Variants in LUZP2 observed in about 807,000 individuals in gnomAD.
LUZP2 encodes the protein leucine zipper protein 2.
Under a neutral mutation model 51.6 loss-of-function variants are expected in LUZP2, and 52 were observed. The ratio of observed to expected loss-of-function variants is 1.01; its 90% CI spans 0.81 to 1.27. The LOEUF is 1.27. LUZP2 is among the 50% of genes most tolerant of loss of function. LUZP2 has a pLI of 0.00. For missense variants in LUZP2, 436 were observed against 395.4 expected, an observed-to-expected ratio of 1.10 and a Z score of -0.87; for synonymous variants, 154 against 137.3, an observed-to-expected ratio of 1.12 and a Z score of -0.85.
intron 7 of LUZP2, among the ~76,000 whole-genome samples, chr11:24,925,986 C>T (rs11028282): frequency 0.47 from 70,680 of 151,484 alleles, 16,792 homozygotes; most frequent in East Asian, 0.76. Context: ...AGAGAATATA[C>T]GTTGTTTGGT....
At chr11:24,949,338 A>C (rs544735135) in intron 7 of LUZP2, among the ~76,000 whole-genome samples, 3 of 141,092 alleles carry the variant, frequency 2.1e-5, no homozygotes, top group East Asian at 2.0e-4. Context: ...CTATCTCTCT[A>C]TCTATCTATG....
At chr11:24,989,003 CG>C (rs534819773) in intron 9 of LUZP2, among the ~76,000 whole-genome samples, 1 of 150,906 alleles carries the variant, frequency 6.6e-6, no homozygotes, top group Non-Finnish European at 1.5e-5. Context: ...CATAGGAGGC[CG>C]GAAGAGCCAT....
At chr11:24,536,284 C>T (rs1316766509) in intron 1 of LUZP2, among the ~76,000 whole-genome samples, 1 of 151,764 alleles carries the variant, frequency 6.6e-6, no homozygotes, top group Non-Finnish European at 1.5e-5. Flanking sequence ...GGAGAGTCAG[C>T]CAGCCTTTTG....
intron 1 of LUZP2, among the ~76,000 whole-genome samples, chr11:24,666,062 A>C (rs1418579742): frequency 6.6e-6 from 1 of 152,178 alleles, no homozygotes; most frequent in African/African-American, 2.4e-5. Context: ...TCAAAAAATT[A>C]TTTACCAGAA....
intron 9 of LUZP2, among the ~76,000 whole-genome samples, chr11:24,984,667 G>A (rs1281375991): frequency 6.6e-6 from 1 of 150,532 alleles, no homozygotes; most frequent in East Asian, 2.0e-4. Context: ...TAAATTTATT[G>A]TTTTTATTAT....
In LUZP2 at chr11:24,611,234, G is replaced by C. The variant is rs1034902089; in HGVS notation, c.62+113929G>C. The stretch of plus-strand genomic sequence containing the variant: ...CGAGGTTGTGCTAGCTACTAAGACT[G>C]TAATGGTGCCTATATTTGCCCTCAA... On this transcript the variant is annotated intron_variant, in intron 1 of 11. Coordinates refer to ENST00000336930, the MANE Select transcript of LUZP2 (RefSeq NM_001009909.4). This position sits in a 1 kb window ranked among gnomAD's most constrained non-coding sequence, Gnocchi z 4.6. Among the ~76,000 whole-genome samples, 3 of 152,042 alleles carry C rather than the reference G, an allele frequency of 2.0e-5. No homozygotes were observed. Among genetic ancestry groups the C allele is most frequent in the African/African-American group, 7.2e-5 (3 of 41,386 alleles).
chr11:24,692,127 A>G (rs553754484), intron 1 of LUZP2, among the ~76,000 whole-genome samples: 18 of 151,668 alleles, frequency 1.2e-4, no homozygotes, highest in Non-Finnish European at 2.5e-4. Flanking sequence ...GATATTCACT[A>G]TCACCCACTT....
chr11:24,689,182 T>C (rs752183691), intron 1 of LUZP2, among the ~76,000 whole-genome samples: 25 of 152,328 alleles, frequency 1.6e-4, no homozygotes, highest in Non-Finnish European at 2.6e-4. Context: ...TGTCCAGCCC[T>C]TGAATTGGGG....
chr11:24,676,799 G>T (rs147999980), intron 1 of LUZP2, among the ~76,000 whole-genome samples: 4,266 of 152,138 alleles, frequency 0.028, 202 homozygotes, highest in African/African-American at 0.097. Flanking sequence ...AAGTAGCTGA[G>T]ACTACAGTCA....
chr11:24,777,360 G>A (rs1221959990), intron 5 of LUZP2, among the ~76,000 whole-genome samples: 1 of 137,106 alleles, frequency 7.3e-6, no homozygotes, highest in Admixed American at 7.4e-5. Flanking sequence ...ACTTGTTAGA[G>A]GTGTGAGAAA....
intron 7 of LUZP2, among the ~76,000 whole-genome samples, chr11:24,969,854 G>T (rs1194512790): frequency 1.3e-5 from 2 of 152,098 alleles, no homozygotes; most frequent in Non-Finnish European, 2.9e-5. Flanking sequence ...TAGGAGGCCA[G>T]TCCATCTCAT....
chr11:24,498,664 A>C (rs1363773516), intron 1 of LUZP2, among the ~76,000 whole-genome samples: 4 of 152,234 alleles, frequency 2.6e-5, no homozygotes, highest in African/African-American at 9.6e-5. Context: ...AGTTGCTCTA[A>C]ATACAGAGCC....
chr11:24,927,209 G>A (rs532670185), intron 7 of LUZP2, among the ~76,000 whole-genome samples: 6 of 151,198 alleles, frequency 4.0e-5, no homozygotes, highest in Non-Finnish European at 7.4e-5. Context: ...CTTACTCTTT[G>A]GGTTATCTAT....
chr11:24,568,242 C>T (rs1852307115), intron 1 of LUZP2, among the ~76,000 whole-genome samples: 1 of 151,838 alleles, frequency 6.6e-6, no homozygotes, highest in African/African-American at 2.4e-5. Flanking sequence ...TGCCTATAAT[C>T]CCAGCTACTC....
intron 1 of LUZP2, among the ~76,000 whole-genome samples, chr11:24,605,537 G>T (rs1853886316): frequency 6.6e-6 from 1 of 151,304 alleles, no homozygotes; most frequent in African/African-American, 2.4e-5. Flanking sequence ...TTTCTCTTAA[G>T]AATTATGGCA....
chr11:24,625,842 G>T (rs1357976281), intron 1 of LUZP2, among the ~76,000 whole-genome samples: 3 of 152,112 alleles, frequency 2.0e-5, no homozygotes, highest in Non-Finnish European at 2.9e-5. Flanking sequence ...GGTATTCAAA[G>T]AATATGTTTG....
intron 10 of LUZP2, among the ~76,000 whole-genome samples, chr11:25,053,884 A>C (rs1344876321): frequency 6.6e-6 from 1 of 152,106 alleles, no homozygotes; most frequent in Non-Finnish European, 1.5e-5. Flanking sequence ...TCCCCCTTTG[A>C]ACAAACATGA....
At chr11:24,925,793 A>G (rs1284838791) in intron 7 of LUZP2, among the ~76,000 whole-genome samples, 1 of 151,840 alleles carries the variant, frequency 6.6e-6, no homozygotes, top group Non-Finnish European at 1.5e-5. Context: ...GTTTGCTTAC[A>G]TGAATTAGTT....
At chr11:24,532,302 A>G (rs1300040000) in intron 1 of LUZP2, among the ~76,000 whole-genome samples, 2 of 150,910 alleles carry the variant, frequency 1.3e-5, no homozygotes, top group Admixed American at 1.3e-4. Context: ...TTTAATATAC[A>G]ATCTGTATTT....
Sources: allele counts gnomAD v4.1 joint callset (sites outside exome capture counted in the v4.1 genomes callset), GRCh38; gene constraint gnomAD v4.1.1; non-coding constraint Gnocchi (gnomAD v3.1); transcripts MANE v1.5; gene names NCBI Gene and HGNC (gene_info 2026-07-23, HGNC 2026-07-21).